PARD3B: variants seen among roughly 807,000 people sequenced by gnomAD.
The protein encoded by PARD3B is par-3 family cell polarity regulator beta.
PARD3B carries 103 observed loss-of-function variants against 130.2 expected under a neutral mutation model. That is an observed-to-expected ratio of 0.79 (90% CI 0.67 to 0.93). The LOEUF (loss-of-function observed/expected upper bound fraction) is 0.93, where lower values mean the gene tolerates loss of function less well. Among genes scored for constraint, PARD3B ranks in the 40% least tolerant of loss-of-function variants. PARD3B has a pLI of 0.00. For missense variants in PARD3B, 1,609 were observed against 1,499.2 expected (o/e 1.07, Z -1.21); for synonymous variants, 583 against 553.2 (o/e 1.05, Z -0.76).
At chr2:205,005,359 T>C (rs1181871739) in intron 3 of PARD3B, among the ~76,000 whole-genome samples, 1 of 152,164 alleles carries the variant, frequency 6.6e-6, no homozygotes, top group Non-Finnish European at 1.5e-5. Flanking sequence ...GAGTCCTCAT[T>C]TTCCATTATT....
chr2:204,898,500 AT>A (rs1202025421), intron 2 of PARD3B, among the ~76,000 whole-genome samples: 3 of 151,764 alleles, frequency 2.0e-5, no homozygotes, highest in African/African-American at 7.3e-5. Flanking sequence ...TACAATTTCA[AT>A]TTTTTTTGAA....
At chr2:204,944,619 T>G (rs984638661) in intron 2 of PARD3B, among the ~76,000 whole-genome samples, 10 of 152,256 alleles carry the variant, frequency 6.6e-5, no homozygotes, top group African/African-American at 2.4e-4. Flanking sequence ...AATTTTATAT[T>G]TTAATGCAGC....
chr2:205,556,240 A>C (rs1273933534), intron 22 of PARD3B, among the ~76,000 whole-genome samples: 2 of 152,202 alleles, frequency 1.3e-5, no homozygotes, highest in African/African-American at 4.8e-5. Context: ...AACCTTATGG[A>C]GAACTTAATA....
chr2:204,872,455 C>A (rs2045667327), intron 2 of PARD3B, among the ~76,000 whole-genome samples: 2 of 152,104 alleles, frequency 1.3e-5, no homozygotes, highest in Non-Finnish European at 2.9e-5. Flanking sequence ...TCCATGCCTA[C>A]AGAGCATTTT....
intron 22 of PARD3B, among the ~76,000 whole-genome samples, chr2:205,598,079 C>T (rs189630051): frequency 4.3e-4 from 66 of 152,242 alleles, no homozygotes; most frequent in African/African-American, 1.4e-3. Flanking sequence ...AATTAGCTAA[C>T]GCCACAATGA....
intron 18 of PARD3B, among the ~76,000 whole-genome samples, chr2:205,310,820 T>G (rs1252651210): frequency 7.1e-6 from 1 of 141,116 alleles, no homozygotes; most frequent in East Asian, 2.3e-4. Flanking sequence ...GCCTCCCGGG[T>G]TCAAGTGATT....
intron 1 of PARD3B, among the ~76,000 whole-genome samples, chr2:204,644,132 T>A (rs537451809): frequency 6.6e-6 from 1 of 152,328 alleles, no homozygotes; most frequent in East Asian, 1.9e-4. Flanking sequence ...GAATTCTTGC[T>A]GTAGTTCTTT....
chr2:205,237,597 G>GT (rs1425123019), intron 15 of PARD3B, among the ~76,000 whole-genome samples: 5 of 151,814 alleles, frequency 3.3e-5, no homozygotes, highest in South Asian at 2.1e-4. Context: ...GAAGTATTCA[G>GT]TTTTTTTTAG....
At chr2:205,327,373 T>TG (rs1474310860) in intron 18 of PARD3B, among the ~76,000 whole-genome samples, 1 of 152,216 alleles carries the variant, frequency 6.6e-6, no homozygotes, top group Non-Finnish European at 1.5e-5. Flanking sequence ...ATTATAGAGG[T>TG]AGGAATAGTA....
At chr2:204,697,046 T>G (rs1269980732) in intron 2 of PARD3B, among the ~76,000 whole-genome samples, 2 of 152,072 alleles carry the variant, frequency 1.3e-5, no homozygotes, top group Non-Finnish European at 2.9e-5. Flanking sequence ...TGATTTGAGA[T>G]TATTCTAATA....
intron 16 of PARD3B, among the ~76,000 whole-genome samples, chr2:205,250,786 G>A (rs968840501): frequency 6.6e-6 from 1 of 152,046 alleles, no homozygotes; most frequent in African/African-American, 2.4e-5. Context: ...AAAATTAGCT[G>A]GGCATGGTGG....
chr2:205,105,736 GA>G lies in PARD3B; in HGVS notation c.593+1223del, dbSNP rs1559442923. ...GAGGATCACTTGAGTGCAGGAGTTC[GA>G]GTCCATCTTGCAACATAGGGAGACC... On this transcript the variant is annotated intron_variant, in intron 5 of 22. Coordinates refer to ENST00000406610, the MANE Select transcript of PARD3B (RefSeq NM_001302769.2). The surrounding 1 kb of genome is among the most constrained non-coding windows in gnomAD (Gnocchi z 4.0). 6.6e-6 allele frequency among the ~76,000 whole-genome samples: 1 copy of G among 151,462 alleles called. No homozygotes were observed. Among genetic ancestry groups the G allele is most frequent in the Admixed American group, 6.6e-5 (1 of 15,218 alleles).
At chr2:205,343,761 C>T (rs1452934577) in intron 18 of PARD3B, among the ~76,000 whole-genome samples, 2 of 151,794 alleles carry the variant, frequency 1.3e-5, no homozygotes, top group Non-Finnish European at 2.9e-5. Flanking sequence ...AGTCCCTCTG[C>T]CCCCTGCCTT....
intron 22 of PARD3B, among the ~76,000 whole-genome samples, chr2:205,559,108 C>G (rs1453309760): frequency 1.3e-5 from 2 of 152,100 alleles, no homozygotes; most frequent in Non-Finnish European, 2.9e-5. Flanking sequence ...AGGTGGAGGC[C>G]TAAGTATGGG....
chr2:204,653,785 C>CAAAA (rs35190366), intron 1 of PARD3B, among the ~76,000 whole-genome samples: 4 of 71,514 alleles, frequency 5.6e-5, no homozygotes, highest in African/African-American at 9.2e-5. Flanking sequence ...GACTCTGTCT[C>CAAAA]AAAAAAAAAA....
chr2:204,831,561 T>C (rs781754969), intron 2 of PARD3B, among the ~76,000 whole-genome samples: 4 of 152,166 alleles, frequency 2.6e-5, no homozygotes, highest in Non-Finnish European at 5.9e-5. Context: ...CTAAGATACA[T>C]GAGAACTGAG....
rs991512405 is a variant in PARD3B, at chr2:205,617,638, A to T, written c.*1825A>T. On this transcript the variant is annotated 3_prime_UTR_variant, in exon 23 of 23. Transcript: ENST00000406610. ...TCAAGTTTTTTGTCTCTGTTCTGTCATCTCTCTTAAGCCAGGCACCTTTAG... is the reference window on the plus strand; with the variant it reads ...TCAAGTTTTTTGTCTCTGTTCTGTCTTCTCTCTTAAGCCAGGCACCTTTAG... The T allele has an allele frequency of 1.3e-5, 2 of 152,116 alleles. No individual in the cohort carries two copies. Among genetic ancestry groups the T allele is most frequent in the African/African-American group, 4.8e-5 (2 of 41,412 alleles). The allele number at this position is 152,116 out of a possible 1,614,324, so 9.4% of individuals were successfully genotyped here.
intron 16 of PARD3B, among the ~76,000 whole-genome samples, chr2:205,289,764 G>A (rs1039635433): frequency 6.6e-6 from 1 of 152,180 alleles, no homozygotes; most frequent in Non-Finnish European, 1.5e-5. Context: ...TATTGAGGGA[G>A]TGAGTTAGTA....
intron 18 of PARD3B, among the ~76,000 whole-genome samples, chr2:205,316,434 C>G (rs1244689614): frequency 6.6e-6 from 1 of 151,966 alleles, no homozygotes; most frequent in Non-Finnish European, 1.5e-5. Context: ...CCCTGAAGTA[C>G]TTTAAAAATA....
Sources: gnomAD v4.1 joint callset for allele counts (sites outside exome capture counted in the v4.1 genomes callset) on GRCh38, gnomAD v4.1.1 for gene constraint, Gnocchi (gnomAD v3.1) non-coding constraint, MANE v1.5 for transcripts, NCBI Gene and HGNC (gene_info 2026-07-23, HGNC 2026-07-21) for gene names.